CCR8: variants seen among roughly 807,000 people sequenced by gnomAD.
CCR8 encodes C-C motif chemokine receptor 8.
For missense variants in CCR8, 358 were observed against 417.5 expected, an observed-to-expected ratio of 0.86 and a Z score of 1.24; for synonymous variants, 156 against 165.7, an observed-to-expected ratio of 0.94 and a Z score of 0.45.
intron 1 of CCR8, among the ~76,000 whole-genome samples, chr3:39,330,226 A>C (rs1158532298): frequency 6.6e-6 from 1 of 152,154 alleles, no homozygotes; most frequent in East Asian, 1.9e-4. Flanking sequence ...CAGCGAGCAA[A>C]CTTTCATATG....
intron 1 of CCR8, among the ~76,000 whole-genome samples, chr3:39,331,175 T>A (rs1297628317): frequency 2.0e-5 from 3 of 152,210 alleles, no homozygotes; most frequent in Non-Finnish European, 4.4e-5. Context: ...GCTTTTCTCA[T>A]CTCAGCTGAC....
rs1330144310 is a variant in CCR8, at chr3:39,333,230, A to T, written c.899A>T (p.Tyr300Phe). 6.2e-7 allele frequency: 1 copy of T among 1,614,028 alleles called. No homozygotes were observed. Among genetic ancestry groups the T allele is most frequent in the Non-Finnish European group, 8.5e-7 (1 of 1,179,994 alleles). ...FTHCCVNPVI[Y>F]AFVGEKFKKH... Reference sequence around the variant, plus strand: ...CACTGCTGTGTGAACCCTGTTATCTATGCTTTTGTTGGGGAGAAGTTCAAG... The same window carrying T: ...CACTGCTGTGTGAACCCTGTTATCTTTGCTTTTGTTGGGGAGAAGTTCAAG... The change falls in exon 2 of 2, where the codon TAT becomes TTT. Residue 300 changes from tyrosine (Y) to phenylalanine (F), a missense_variant. Transcript: ENST00000326306.
In CCR8 at chr3:39,332,833, T is replaced by C; in HGVS notation, c.502T>C (p.Leu168=). ...AACCGCCATTATGGCTACCATCCCA[T>C]TGCTAGTGTTTTACCAAGTGGCCTC... The part of the protein sequence containing the change: ...WLTAIMATIP[L]LVFYQVASED... Residue 168 remains leucine (L), a synonymous_variant, in exon 2 of 2, where the codon TTG becomes CTG. Transcript: ENST00000326306. 1 of 1,614,210 alleles carries C rather than the reference T, an allele frequency of 6.2e-7. No homozygotes were observed. Among genetic ancestry groups the C allele is most frequent in the Non-Finnish European group, 8.5e-7 (1 of 1,180,022 alleles).
intron 1 of CCR8, among the ~76,000 whole-genome samples, chr3:39,330,194 T>A (rs1374770763): frequency 6.6e-6 from 1 of 152,216 alleles, no homozygotes; most frequent in Non-Finnish European, 1.5e-5. Flanking sequence ...GACACCTGGG[T>A]GCTGTTCTTA....
chr3:39,332,316 A>G lies in CCR8; in HGVS notation c.-14-2A>G, dbSNP rs2041262977. ...ATGTCTTTTATGTGTCTCTGTGACCAGGTCCCGCTGCCTTGATGGATTATA... is the reference window on the plus strand; with the variant it reads ...ATGTCTTTTATGTGTCTCTGTGACCGGGTCCCGCTGCCTTGATGGATTATA... On this transcript the variant is annotated splice_acceptor_variant, in intron 1 of 1. Coordinates refer to ENST00000326306, the MANE Select transcript of CCR8 (RefSeq NM_005201.4). LOFTEE classifies it low-confidence loss of function (5UTR_SPLICE). The G allele has an allele frequency of 6.5e-7, 1 of 1,534,402 alleles. No individual in the cohort carries two copies. Among genetic ancestry groups the G allele is most frequent in the African/African-American group, 1.4e-5 (1 of 73,036 alleles).
In CCR8 at chr3:39,333,225, T is replaced by A; in HGVS notation, c.894T>A (p.Val298=). The change falls in exon 2 of 2, where the codon GTT becomes GTA. Residue 298 remains valine (V), a synonymous_variant. Coordinates refer to ENST00000326306, the MANE Select transcript of CCR8 (RefSeq NM_005201.4). The part of the protein sequence containing the change: ...ISFTHCCVNP[V]IYAFVGEKFK... ...TTACTCACTGCTGTGTGAACCCTGT[T>A]ATCTATGCTTTTGTTGGGGAGAAGT... is the stretch of plus-strand genomic sequence containing the variant. 1 of 1,614,120 alleles carries A rather than the reference T, an allele frequency of 6.2e-7. No individual in the cohort carries two copies. The highest frequency in any genetic ancestry group is 8.5e-7 in the Non-Finnish European group (1 of 1,180,004).
In CCR8 at chr3:39,333,064, A is replaced by G; in HGVS notation, c.733A>G (p.Ile245Val). ...KAIRLVLIVV[I>V]ASLLFWVPFN... ...CATCAGGTTGGTGCTCATTGTGGTC[A>G]TTGCATCTTTACTTTTCTGGGTCCC... is the stretch of plus-strand genomic sequence containing the variant. The change falls in exon 2 of 2, where the codon ATT (isoleucine) becomes GTT (valine). Residue 245 changes from isoleucine to valine, a missense_variant. Ile to Val is a conservative substitution (Grantham distance 29, BLOSUM62 3). Transcript: ENST00000326306. 1.2e-6 allele frequency: 2 copies of G among 1,614,084 alleles called. No individual in the cohort carries two copies. The highest frequency in any genetic ancestry group is 2.2e-5 in the South Asian group (2 of 91,080).
In CCR8 at chr3:39,332,916, G is replaced by A. The variant is rs761982553; in HGVS notation, c.585G>A (p.Lys195=). The stretch of plus-strand genomic sequence containing the variant: ...ACAATCAACAGACTTTGAAGTGGAA[G>A]ATCTTCACCAACTTCAAAATGAACA... ...SFYNQQTLKW[K]IFTNFKMNIL... is the part of the protein sequence containing the mutation. The change falls in exon 2 of 2, where the codon AAG becomes AAA. Residue 195 remains lysine, a synonymous_variant. Transcript: ENST00000326306. 14 of 1,613,984 alleles carry A rather than the reference G, an allele frequency of 8.7e-6. No individual in the cohort carries two copies. The highest frequency in any genetic ancestry group is 9.3e-6 in the Non-Finnish European group (11 of 1,179,978).
chr3:39,333,202 A>G lies in CCR8; in HGVS notation c.871A>G (p.Thr291Ala), dbSNP rs1196840918. ...CCATGTCACAGAAATCATTTCCTTT[A>G]CTCACTGCTGTGTGAACCCTGTTAT... is the stretch of plus-strand genomic sequence containing the variant. ...ATHVTEIISF[T>A]HCCVNPVIYA... Residue 291 changes from threonine to alanine, a missense_variant, in exon 2 of 2, where the codon ACT becomes GCT. Physicochemically the swap from Thr to Ala is moderately conservative, Grantham distance 58 (BLOSUM62 0). Coordinates refer to ENST00000326306, the MANE Select transcript of CCR8 (RefSeq NM_005201.4). 6.2e-7 allele frequency: 1 copy of G among 1,613,878 alleles called. No homozygotes were observed. Among genetic ancestry groups the G allele is most frequent in the African/African-American group, 1.3e-5 (1 of 74,950 alleles).
At position 39,333,439 on chromosome 3, in the gene CCR8, T is replaced by C; in HGVS notation, c.*40T>C. The C allele has an allele frequency of 6.6e-7, 1 of 1,507,960 alleles. No individual in the cohort carries two copies. The highest frequency in any genetic ancestry group is 9.0e-7 in the Non-Finnish European group (1 of 1,108,608). The allele number at this position is 1,507,960 out of a possible 1,614,324, so 93.4% of individuals were successfully genotyped here. A position where few individuals can be genotyped will look rare whatever the true frequency, so the allele number is the denominator to read the frequency against. The stretch of plus-strand genomic sequence containing the variant: ...TAAATATAAAAAACATTTTCTTGAA[T>C]GGCATGCTAGTAGCAGTGAGCAAAG... On this transcript the variant is annotated 3_prime_UTR_variant, in exon 2 of 2. Transcript: ENST00000326306.
At chr3:39,330,117 A>G (rs943667379) in intron 1 of CCR8, among the ~76,000 whole-genome samples, 1 of 152,196 alleles carries the variant, frequency 6.6e-6, no homozygotes, top group African/African-American at 2.4e-5. Context: ...AAGATCCTTT[A>G]TAATACCAGG....
At chr3:39,332,037 T>A (rs1238420470) in intron 1 of CCR8, among the ~76,000 whole-genome samples, 1 of 151,916 alleles carries the variant, frequency 6.6e-6, no homozygotes, top group Non-Finnish European at 1.5e-5. Context: ...GCAAGGCTGG[T>A]CTTGAACCCC....
intron 1 of CCR8, among the ~76,000 whole-genome samples, chr3:39,331,256 C>T (rs555208755): frequency 2.0e-5 from 3 of 152,252 alleles, no homozygotes; most frequent in Non-Finnish European, 2.9e-5. Context: ...GTTTAACATA[C>T]TTCTAAAGGC....
In CCR8 at chr3:39,332,875, C is replaced by T; in HGVS notation, c.544C>T (p.Gln182Ter). The T allele has an allele frequency of 6.2e-7, 1 of 1,614,158 alleles. No homozygotes were observed. Among genetic ancestry groups the T allele is most frequent in the Non-Finnish European group, 8.5e-7 (1 of 1,180,020 alleles). ...AGTGGCCTCTGAAGATGGTGTTCTACAGTGTTATTCATTTTACAATCAACA... is the reference window on the plus strand; with the variant it reads ...AGTGGCCTCTGAAGATGGTGTTCTATAGTGTTATTCATTTTACAATCAACA... ...YQVASEDGVL[Q>*]CYSFYNQQTL... The change falls in exon 2 of 2, where the codon CAG (glutamine) becomes TAG (stop). Residue 182 changes from glutamine to a stop codon, truncating the protein, a stop_gained. Transcript: ENST00000326306. LOFTEE classifies it low-confidence loss of function (END_TRUNC).
Position 39,333,226 on chromosome 3 carries a change from A to T in CCR8, c.895A>T (p.Ile299Phe). 1 of 1,614,120 alleles carries T rather than the reference A, an allele frequency of 6.2e-7. No homozygotes were observed. Among genetic ancestry groups the T allele is most frequent in the Non-Finnish European group, 8.5e-7 (1 of 1,180,008 alleles). ...TACTCACTGCTGTGTGAACCCTGTTATCTATGCTTTTGTTGGGGAGAAGTT... is the reference window on the plus strand; with the variant it reads ...TACTCACTGCTGTGTGAACCCTGTTTTCTATGCTTTTGTTGGGGAGAAGTT... ...SFTHCCVNPV[I>F]YAFVGEKFKK... The change falls in exon 2 of 2, where the codon ATC (isoleucine) becomes TTC (phenylalanine). Residue 299 changes from isoleucine (I) to phenylalanine (F), a missense_variant. Physicochemically the swap from Ile to Phe is conservative, Grantham distance 21 (BLOSUM62 0). Coordinates refer to ENST00000326306, the MANE Select transcript of CCR8 (RefSeq NM_005201.4).
At position 39,333,057 on chromosome 3, in the gene CCR8, T is replaced by A. The variant is rs1376643929; in HGVS notation, c.726T>A (p.Ile242=). Residue 242 remains isoleucine, a synonymous_variant, in exon 2 of 2, where the codon ATT becomes ATA. Transcript: ENST00000326306. ...CCAAGGCCATCAGGTTGGTGCTCAT[T>A]GTGGTCATTGCATCTTTACTTTTCT... ...NKTKAIRLVL[I]VVIASLLFWV... 1 of 1,614,126 alleles carries A rather than the reference T, an allele frequency of 6.2e-7. No individual in the cohort carries two copies. The highest frequency in any genetic ancestry group is 1.7e-5 in the Admixed American group (1 of 60,008).
rs1248468780 is a variant in CCR8 at position 39,332,570 on chromosome 3, C to G, written c.239C>G (p.Ser80Cys). ...TDVYLLNLAL[S>C]DLLFVFSFPF... is the part of the protein sequence containing the mutation. Reference sequence around the variant, plus strand: ...GTATACCTCTTGAACCTGGCCCTGTCTGACCTGCTTTTTGTCTTCTCCTTC... The same window carrying G: ...GTATACCTCTTGAACCTGGCCCTGTGTGACCTGCTTTTTGTCTTCTCCTTC... Residue 80 changes from serine to cysteine, a missense_variant, in exon 2 of 2, where the codon TCT (serine) becomes TGT (cysteine). Ser to Cys is a moderately radical substitution (Grantham distance 112). Transcript: ENST00000326306. 6.2e-7 allele frequency: 1 copy of G among 1,614,158 alleles called. No individual in the cohort carries two copies. Among genetic ancestry groups the G allele is most frequent in the Non-Finnish European group, 8.5e-7 (1 of 1,180,006 alleles).
At position 39,333,357 on chromosome 3, in the gene CCR8, G is replaced by A. The variant is rs2125555947; in HGVS notation, c.1026G>A (p.Gln342=). 6.2e-7 allele frequency: 1 copy of A among 1,613,896 alleles called. No individual in the cohort carries two copies. Among genetic ancestry groups the A allele is most frequent in the Non-Finnish European group, 8.5e-7 (1 of 1,179,914 alleles). ...GCTGTGAAAAGTCATCATCCTGCCA[G>A]CAGCACTCCTCCCGTTCCTCCAGCG... ...RESCEKSSSC[Q]QHSSRSSSVD... Residue 342 remains glutamine (Q), a synonymous_variant, in exon 2 of 2, where the codon CAG becomes CAA. Transcript: ENST00000326306.
Position 39,333,562 on chromosome 3 carries a change from G to GC in CCR8, c.*164dup. ...ACACAATGACTAAAGACATAGTTGT[G>GC]CATGCCTGGCACAACATCAAGCCTG... On this transcript the variant is annotated 3_prime_UTR_variant, in exon 2 of 2. Coordinates refer to ENST00000326306, the MANE Select transcript of CCR8 (RefSeq NM_005201.4). The GC allele has an allele frequency of 1.6e-6, 1 of 611,114 alleles. No homozygotes were observed. The allele number at this position is 611,114 out of a possible 1,614,324, so 37.9% of individuals were successfully genotyped here. A position where few individuals can be genotyped will look rare whatever the true frequency, so the allele number is the denominator to read the frequency against.
Sources: gnomAD v4.1 joint callset for allele counts (sites outside exome capture counted in the v4.1 genomes callset) on GRCh38, gnomAD v4.1.1 for gene constraint, MANE v1.5 for transcripts, NCBI Gene and HGNC (gene_info 2026-07-23, HGNC 2026-07-21) for gene names.